The following EXOC4 variants were observed in gnomAD, a reference collection of about 807,000 sequenced individuals.
EXOC4 encodes exocyst complex component 4.
In EXOC4, 71 loss-of-function variants were observed where a neutral mutation model predicts 107.2. That is an observed-to-expected ratio of 0.66 (90% CI 0.55 to 0.81). EXOC4 has a LOEUF of 0.81. Ranked by LOEUF, EXOC4 falls within the 30% of genes least tolerant of loss-of-function variation. The pLI, the probability that EXOC4 is intolerant of heterozygous loss-of-function variation, is 0.00. For missense variants in EXOC4, 1,108 were observed against 1,189.6 expected (o/e 0.93, Z 1.01); for synonymous variants, 456 against 441.2 (o/e 1.03, Z -0.42).
At chr7:133,255,402 C>A (rs1432996487) in intron 1 of EXOC4, among the ~76,000 whole-genome samples, 1 of 152,130 alleles carries the variant, frequency 6.6e-6, no homozygotes, top group Non-Finnish European at 1.5e-5. Flanking sequence ...GTCTCGATCG[C>A]TTGACCTTGT....
chr7:133,871,411 T>C (rs1294504762), intron 11 of EXOC4, among the ~76,000 whole-genome samples: 2 of 152,080 alleles, frequency 1.3e-5, no homozygotes, highest in Non-Finnish European at 2.9e-5. Context: ...TCTTCTTCTG[T>C]TCCTGCCAGT....
At chr7:133,384,396 G>T in intron 7 of EXOC4, among the ~76,000 whole-genome samples, 1 of 152,212 alleles carries the variant, frequency 6.6e-6, no homozygotes, top group East Asian at 1.9e-4. Flanking sequence ...GCTTATCTCT[G>T]TCTGGTTTTG....
intron 3 of EXOC4, among the ~76,000 whole-genome samples, chr7:133,298,241 A>G (rs1392331462): frequency 1.3e-5 from 2 of 152,176 alleles, no homozygotes; most frequent in African/African-American, 4.8e-5. Flanking sequence ...TGGGATTTTA[A>G]TAGTTCACGT....
chr7:133,434,982 A>G (rs1229767502), intron 7 of EXOC4, among the ~76,000 whole-genome samples: 1 of 152,226 alleles, frequency 6.6e-6, no homozygotes, highest in East Asian at 1.9e-4. Flanking sequence ...TCTGATTTTC[A>G]GTGTGGCTTA....
At chr7:133,570,694 A>G (rs1223847479) in intron 9 of EXOC4, among the ~76,000 whole-genome samples, 12 of 152,226 alleles carry the variant, frequency 7.9e-5, no homozygotes, top group Non-Finnish European at 1.6e-4. Flanking sequence ...TGGGGAAACC[A>G]GGACTCTTAT....
At chr7:133,407,176 T>C (rs2150740132) in intron 7 of EXOC4, among the ~76,000 whole-genome samples, 1 of 152,216 alleles carries the variant, frequency 6.6e-6, no homozygotes, top group South Asian at 2.1e-4. Flanking sequence ...AAGTTCCACA[T>C]CCCCCACCTT....
intron 9 of EXOC4, among the ~76,000 whole-genome samples, chr7:133,522,667 G>T (rs1800001756): frequency 6.6e-6 from 1 of 152,058 alleles, no homozygotes; most frequent in South Asian, 2.1e-4. Context: ...AAACCAGGAT[G>T]GCATACGGCA....
the EXOC4 span, among the ~76,000 whole-genome samples, chr7:134,074,119 C>T: frequency 6.6e-6 from 1 of 152,158 alleles, no homozygotes. Flanking sequence ...TGCTACAGCC[C>T]TTGTCTCTTC....
chr7:133,272,445 C>A (rs1793894275), intron 1 of EXOC4, among the ~76,000 whole-genome samples: 2 of 152,072 alleles, frequency 1.3e-5, no homozygotes. Context: ...AATAATAGGA[C>A]CTACTCCAAA....
intron 10 of EXOC4, among the ~76,000 whole-genome samples, chr7:133,735,219 CAAAAAAAAAAAAAAAAAAAAAA>C (rs56769096): frequency 7.5e-4 from 25 of 33,502 alleles, no homozygotes; most frequent in African/African-American, 3.2e-3. Context: ...GACTCTGTCT[CAAAAAAAAAAAAAAAAAAAAAA>C]AAAAAAAAAA....
At chr7:133,814,404 A>C (rs1188700930) in intron 10 of EXOC4, among the ~76,000 whole-genome samples, 1 of 152,136 alleles carries the variant, frequency 6.6e-6, no homozygotes, top group East Asian at 1.9e-4. Flanking sequence ...AATATCCCAC[A>C]GTTTATTTAT....
intron 2 of EXOC4, among the ~76,000 whole-genome samples, chr7:133,283,148 C>T (rs896646349): frequency 3.3e-5 from 5 of 152,134 alleles, no homozygotes; most frequent in African/African-American, 1.2e-4. Flanking sequence ...CTCTGTTGTC[C>T]AGGCTGGAGT....
chr7:133,603,523 A>G (rs189989637), intron 9 of EXOC4, among the ~76,000 whole-genome samples: 132 of 152,332 alleles, frequency 8.7e-4, no homozygotes, highest in Admixed American at 7.6e-3. Flanking sequence ...CGCTCCTGAT[A>G]TAGTTTATGA....
chr7:133,383,909 A>C (rs969298907), intron 7 of EXOC4, among the ~76,000 whole-genome samples: 4 of 152,168 alleles, frequency 2.6e-5, no homozygotes, highest in African/African-American at 7.2e-5. Context: ...GCTTGCTCCT[A>C]GAATGTTTCT....
intron 11 of EXOC4, among the ~76,000 whole-genome samples, chr7:133,861,871 T>C (rs1173980402): frequency 1.3e-5 from 2 of 152,166 alleles, no homozygotes; most frequent in East Asian, 1.9e-4. Context: ...AGGGTGATTC[T>C]GTTGAAGGTG....
chr7:133,438,228 C>A (rs1798020576), intron 7 of EXOC4, among the ~76,000 whole-genome samples: 1 of 152,148 alleles, frequency 6.6e-6, no homozygotes, highest in African/African-American at 2.4e-5. Context: ...ATTTAATTAT[C>A]CTAATGATGT....
At chr7:133,460,220 A>T (rs1385375478) in intron 7 of EXOC4, among the ~76,000 whole-genome samples, 1 of 152,176 alleles carries the variant, frequency 6.6e-6, no homozygotes, top group African/African-American at 2.4e-5. Flanking sequence ...TGCAGTTCAC[A>T]GTAGGGTTCA....
intron 5 of EXOC4, among the ~76,000 whole-genome samples, chr7:133,334,863 G>A (rs1795475831): frequency 1.3e-5 from 2 of 152,106 alleles, no homozygotes. Flanking sequence ...TATGGATAAT[G>A]GCCTCCAGCT....
intron 17 of EXOC4, among the ~76,000 whole-genome samples, chr7:134,063,069 G>A (rs1585364440): frequency 6.6e-6 from 1 of 152,192 alleles, no homozygotes; most frequent in African/African-American, 2.4e-5. Flanking sequence ...CTGGAAGAAG[G>A]AAGTCCTTTA....
Sources: allele counts gnomAD v4.1 joint callset (sites outside exome capture counted in the v4.1 genomes callset), GRCh38; gene constraint gnomAD v4.1.1; transcripts MANE v1.5; gene names NCBI Gene and HGNC (gene_info 2026-07-23, HGNC 2026-07-21).